Variants in PVT1 observed in about 807,000 individuals in gnomAD.
PVT1 encodes the protein Pvt1 oncogene.
At chr8:128,044,962 ATGAG>A (rs1350407462) in intron 4 of PVT1, among the ~76,000 whole-genome samples, 2 of 152,226 alleles carry the variant, frequency 1.3e-5, no homozygotes, top group South Asian at 2.1e-4. Flanking sequence ...AGGTACATGA[ATGAG>A]TAAGTAGATA....
chr8:127,843,355 C>T (rs1338948897), intron 2 of PVT1, among the ~76,000 whole-genome samples: 1 of 152,146 alleles, frequency 6.6e-6, no homozygotes, highest in African/African-American at 2.4e-5. Flanking sequence ...AAAAAACAAA[C>T]AAACAACAAA....
rs551856943 is a variant in PVT1 at position 127,918,377 on chromosome 8, G to A, written n.782+27379G>A. On this transcript the variant is annotated intron_variant and non_coding_transcript_variant, in intron 3 of 10. Coordinates refer to ENST00000651587, the Ensembl canonical transcript of PVT1. ...TAGATTGGAAAGGCAGCTCCTCCACGGACTTGCTCGGTGAATGGAGGGCAT... is the reference window on the plus strand; with the variant it reads ...TAGATTGGAAAGGCAGCTCCTCCACAGACTTGCTCGGTGAATGGAGGGCAT... 7.2e-5 allele frequency among the ~76,000 whole-genome samples: 11 copies of A among 152,282 alleles called. No homozygotes were observed. In the South Asian group the frequency reaches 1.0e-3, roughly 14 times the overall value.
At position 128,023,810 on chromosome 8, in the gene PVT1, C is replaced by T. The variant is rs535725132; in HGVS notation, n.912+34519C>T. 2.6e-5 allele frequency among the ~76,000 whole-genome samples: 4 copies of T among 152,308 alleles called. No individual in the cohort carries two copies. In the East Asian group the frequency reaches 7.7e-4, roughly 29 times the overall value. Reference sequence around the variant, plus strand: ...TTGATCTACGGAGTAATTTGGGTCCCTGGCTCCAAGGCAAGCCTGTTACAT... The same window carrying T: ...TTGATCTACGGAGTAATTTGGGTCCTTGGCTCCAAGGCAAGCCTGTTACAT... On this transcript the variant is annotated intron_variant and non_coding_transcript_variant, in intron 4 of 10. Transcript: ENST00000651587.
chr8:128,041,815 T>A (rs910695892), intron 4 of PVT1, among the ~76,000 whole-genome samples: 5 of 152,176 alleles, frequency 3.3e-5, no homozygotes, highest in Non-Finnish European at 5.9e-5. Flanking sequence ...TTGGATGTCA[T>A]CATGGAGAGC....
chr8:127,829,955 T>C (rs1728694133), intron 2 of PVT1, among the ~76,000 whole-genome samples: 1 of 152,218 alleles, frequency 6.6e-6, no homozygotes, highest in Non-Finnish European at 1.5e-5. Context: ...GGCTTGTGGC[T>C]GCAGCAATCT....
At chr8:127,999,416 T>C (rs1382468358) in intron 4 of PVT1, 1 of 152,244 alleles carries the variant, frequency 6.6e-6, no homozygotes, top group African/African-American at 2.4e-5. Context: ...AAGCTAACTA[T>C]GAGTTTATAC....
At chr8:127,858,554 T>C (rs1456357325) in intron 2 of PVT1, among the ~76,000 whole-genome samples, 2 of 151,982 alleles carry the variant, frequency 1.3e-5, no homozygotes, top group Non-Finnish European at 2.9e-5. Flanking sequence ...AAAACAGACA[T>C]CTTAAATATT....
At chr8:128,040,618 A>AG (rs1813518836) in intron 4 of PVT1, among the ~76,000 whole-genome samples, 1 of 152,208 alleles carries the variant, frequency 6.6e-6, no homozygotes, top group Non-Finnish European at 1.5e-5. Flanking sequence ...CTTAAATATG[A>AG]GCGTGATCAT....
At chr8:128,075,918 A>G (rs778630912) in intron 5 of PVT1, among the ~76,000 whole-genome samples, 1 of 152,222 alleles carries the variant, frequency 6.6e-6, no homozygotes, top group African/African-American at 2.4e-5. Flanking sequence ...GTTCACTGCT[A>G]TCTTTTGGTA....
intron 3 of PVT1, among the ~76,000 whole-genome samples, chr8:127,965,264 C>T (rs1252267627): frequency 6.6e-6 from 1 of 152,164 alleles, no homozygotes; most frequent in Non-Finnish European, 1.5e-5. Flanking sequence ...GTACAAAGAA[C>T]TCCCTCATAT....
At chr8:127,886,838 C>G (rs933770715) in intron 2 of PVT1, among the ~76,000 whole-genome samples, 1 of 152,044 alleles carries the variant, frequency 6.6e-6, no homozygotes, top group African/African-American at 2.4e-5. Flanking sequence ...ATTACATTTC[C>G]TGTTTTTGTT....
intron 2 of PVT1, among the ~76,000 whole-genome samples, chr8:127,815,878 C>T (rs1039015938): frequency 6.6e-6 from 1 of 152,132 alleles, no homozygotes; most frequent in African/African-American, 2.4e-5. Flanking sequence ...GTAATTCCAG[C>T]ACTTTGGGAG....
chr8:127,892,008 C>T (rs1485016133), intron 3 of PVT1, among the ~76,000 whole-genome samples: 1 of 152,298 alleles, frequency 6.6e-6, no homozygotes, highest in East Asian at 1.9e-4. Flanking sequence ...GCCAAGGTGC[C>T]TGAAGGAGAG....
At position 127,960,810 on chromosome 8, in the gene PVT1, T is replaced by C. The variant is rs376894865; in HGVS notation, n.783-28352T>C. 46 of 305,810 alleles carry C rather than the reference T, an allele frequency of 1.5e-4. No individual in the cohort carries two copies. The East Asian group carries it at 3.9e-3, about 26-fold the overall frequency. The allele number at this position is 305,810 out of a possible 1,614,324, so 18.9% of individuals were successfully genotyped here. Reference sequence around the variant, plus strand: ...ACTTCAAAACATAGGGTATTTCTCATTATGCAATAGTTTAATTGAGCACAT... The same window carrying C: ...ACTTCAAAACATAGGGTATTTCTCACTATGCAATAGTTTAATTGAGCACAT... On this transcript the variant is annotated intron_variant and non_coding_transcript_variant, in intron 3 of 10. Transcript: ENST00000651587.
intron 2 of PVT1, among the ~76,000 whole-genome samples, chr8:127,809,042 AAAAAAAAAAAAAAG>A (rs1814560569): frequency 3.5e-5 from 4 of 112,762 alleles, no homozygotes; most frequent in Admixed American, 1.7e-4. Context: ...AAAAAAAAAA[AAAAAAAAAAAAAAG>A]AAAGAAAAAA....
At chr8:127,952,577 A>G (rs1283429613) in intron 3 of PVT1, among the ~76,000 whole-genome samples, 3 of 152,236 alleles carry the variant, frequency 2.0e-5, no homozygotes, top group Non-Finnish European at 2.9e-5. Context: ...CTATTCTAGA[A>G]AGAACTGGCA....
chr8:127,963,319 G>T (rs1469166124), intron 3 of PVT1, among the ~76,000 whole-genome samples: 2 of 152,202 alleles, frequency 1.3e-5, no homozygotes, highest in African/African-American at 4.8e-5. Context: ...CAGGACTGGG[G>T]TTTGCCATTT....
intron 5 of PVT1, among the ~76,000 whole-genome samples, chr8:128,095,350 T>G (rs947188559): frequency 3.3e-5 from 5 of 152,082 alleles, no homozygotes; most frequent in African/African-American, 1.2e-4. Context: ...GAGCAGGGTT[T>G]TGTCTTTTTC....
intron 3 of PVT1, among the ~76,000 whole-genome samples, chr8:127,973,717 A>G (rs142857646): frequency 0.037 from 5,381 of 147,198 alleles, 314 homozygotes; most frequent in African/African-American, 0.13. Flanking sequence ...GGTGGCTCAC[A>G]CCTGTAATCC....
Sources: allele counts gnomAD v4.1 joint callset (sites outside exome capture counted in the v4.1 genomes callset), GRCh38; gene constraint gnomAD v4.1.1; transcripts MANE v1.5; gene names NCBI Gene and HGNC (gene_info 2026-07-23, HGNC 2026-07-21).